KCTD3: variants seen among roughly 807,000 people sequenced by gnomAD.
The protein encoded by KCTD3 is potassium channel tetramerization domain containing 3.
A neutral mutation model predicts 85.8 loss-of-function variants in KCTD3; 41 were observed. That is an observed-to-expected ratio of 0.48 (90% confidence interval 0.37 to 0.62). KCTD3 has a LOEUF of 0.62. Among genes scored for constraint, KCTD3 ranks in the 20% least tolerant of loss-of-function variants. KCTD3 has a pLI of 0.00. For missense variants in KCTD3, 724 were observed against 989.9 expected, an observed-to-expected ratio of 0.73 and a Z score of 3.60; for synonymous variants, 338 against 345.4, an observed-to-expected ratio of 0.98 and a Z score of 0.24.
intron 14 of KCTD3, 145 bp from the exon 15 acceptor site, chr1:215,611,680 G>A: frequency 3.7e-6 from 2 of 537,972 alleles, no homozygotes; most frequent in South Asian, 6.7e-5. Flanking sequence ...TACATTTATT[G>A]CATGTCTGAT....
chr1:215,590,433 C>T (rs1660165406), intron 9 of KCTD3, among the ~76,000 whole-genome samples: 1 of 152,088 alleles, frequency 6.6e-6, no homozygotes, highest in South Asian at 2.1e-4. Flanking sequence ...TGTCTCCCTT[C>T]CTCTTTTCTC....
At chr1:215,613,533 G>C (rs1655309924) in intron 15 of KCTD3, among the ~76,000 whole-genome samples, 1 of 152,160 alleles carries the variant, frequency 6.6e-6, no homozygotes, top group South Asian at 2.1e-4. Flanking sequence ...TTTTGTTTTT[G>C]TTGCAGTTGC....
intron 9 of KCTD3, among the ~76,000 whole-genome samples, chr1:215,588,857 A>G (rs190879083): frequency 3.9e-5 from 6 of 152,316 alleles, no homozygotes; most frequent in South Asian, 2.1e-4. Context: ...CTCTCTGCCA[A>G]ATCTTTAGAT....
chr1:215,613,583 G>A (rs1300867655), intron 15 of KCTD3, among the ~76,000 whole-genome samples: 1 of 152,144 alleles, frequency 6.6e-6, no homozygotes, highest in Non-Finnish European at 1.5e-5. Context: ...CAGGGCTGAT[G>A]TCCAGGTTGA....
chr1:215,605,638 A>C (rs1217872956), intron 13 of KCTD3, among the ~76,000 whole-genome samples: 1 of 152,130 alleles, frequency 6.6e-6, no homozygotes, highest in East Asian at 1.9e-4. Flanking sequence ...AGGCATCTCA[A>C]ATTTAAGTTG....
At chr1:215,577,753 GT>G in intron 5 of KCTD3, 25 bp downstream of exon 5, 2 of 1,535,606 alleles carry the variant, frequency 1.3e-6, no homozygotes, top group Non-Finnish European at 1.8e-6. Flanking sequence ...AATATTTGGT[GT>G]TTATGATTTG....
chr1:215,600,577 C>T (rs1339876771), intron 10 of KCTD3, among the ~76,000 whole-genome samples: 1 of 152,162 alleles, frequency 6.6e-6, no homozygotes, highest in African/African-American at 2.4e-5. Context: ...AAGTTACCAG[C>T]TCCTAGAGAG....
In KCTD3 at chr1:215,604,271, A is replaced by G; in HGVS notation, c.1278A>G (p.Lys426=). 6.2e-7 allele frequency: 1 copy of G among 1,613,974 alleles called. No homozygotes were observed. The highest frequency in any genetic ancestry group is 8.5e-7 in the Non-Finnish European group (1 of 1,179,868). Residue 426 remains lysine (K), a synonymous_variant, in exon 13 of 18, where the codon AAA becomes AAG. Coordinates refer to ENST00000259154, the MANE Select transcript of KCTD3 (RefSeq NM_016121.5). ...CAGTTCACCGAAGTCCCGTAACAAAAATCATGCTATCAGAGAAGCATCTTG... is the reference window on the plus strand; with the variant it reads ...CAGTTCACCGAAGTCCCGTAACAAAGATCATGCTATCAGAGAAGCATCTTG... The part of the protein sequence containing the change: ...TFTVHRSPVT[K]IMLSEKHLVS...
At chr1:215,607,678 A>T (rs1182862322) in intron 13 of KCTD3, among the ~76,000 whole-genome samples, 1 of 152,034 alleles carries the variant, frequency 6.6e-6, no homozygotes, top group Non-Finnish European at 1.5e-5. Context: ...AAAATAAACT[A>T]GGAAACTGTT....
In KCTD3 at chr1:215,620,586, A is replaced by T. The variant is rs202013188; in HGVS notation, c.2416A>T (p.Ser806Cys). 5.0e-6 allele frequency: 8 copies of T among 1,607,416 alleles called. No individual in the cohort carries two copies. The highest frequency in any genetic ancestry group is 2.7e-5 in the African/African-American group (2 of 74,794). The change falls in exon 18 of 18, where the codon AGT becomes TGT. Residue 806 changes from serine to cysteine, a missense_variant. By Grantham distance (112) the Ser-to-Cys change is moderately radical. Transcript: ENST00000259154. ...KTTPSPRHKK[S>C]DSSGQEYSL Reference sequence around the variant, plus strand: ...TACTCCATCTCCTCGGCATAAAAAAAGTGATTCTTCAGGTCAGGAGTACAG... The same window carrying T: ...TACTCCATCTCCTCGGCATAAAAAATGTGATTCTTCAGGTCAGGAGTACAG...
chr1:215,571,255 C>A (rs1283975733), intron 1 of KCTD3, among the ~76,000 whole-genome samples: 1 of 152,172 alleles, frequency 6.6e-6, no homozygotes, highest in Non-Finnish European at 1.5e-5. Context: ...CTTCAATTTA[C>A]CATTGAGTGG....
intron 6 of KCTD3, 70 bp from the exon 7 acceptor site, chr1:215,578,930 C>T: frequency 9.3e-7 from 1 of 1,070,502 alleles, no homozygotes; most frequent in South Asian, 1.8e-5. Flanking sequence ...GTTTCTTTGT[C>T]ACAATGTGAT....
At chr1:215,610,500 A>T (rs886592288) in intron 14 of KCTD3, among the ~76,000 whole-genome samples, 1 of 151,942 alleles carries the variant, frequency 6.6e-6, no homozygotes, top group African/African-American at 2.4e-5. Flanking sequence ...TCATGTCAAC[A>T]TGAAGTTCAA....
chr1:215,618,863 C>G, intron 15 of KCTD3, 23 bp from the exon 16 acceptor site: 2 of 1,545,510 alleles, frequency 1.3e-6, no homozygotes, highest in Non-Finnish European at 1.7e-6. Flanking sequence ...CCCATCAGGG[C>G]TCTTTCTGCT....
At chr1:215,572,099 G>C (rs1659392165) in intron 1 of KCTD3, among the ~76,000 whole-genome samples, 2 of 152,328 alleles carry the variant, frequency 1.3e-5, no homozygotes, top group South Asian at 4.1e-4. Context: ...TGACATCTGT[G>C]TGTCAACACC....
Position 215,620,497 on chromosome 1 carries a change from C to T in KCTD3, c.2327C>T (p.Ser776Leu). 1 of 1,613,600 alleles carries T rather than the reference C, an allele frequency of 6.2e-7. No individual in the cohort carries two copies. Among genetic ancestry groups the T allele is most frequent in the Non-Finnish European group, 8.5e-7 (1 of 1,179,550 alleles). Residue 776 changes from serine (S) to leucine (L), a missense_variant, in exon 18 of 18, where the codon TCA (serine) becomes TTA (leucine). By Grantham distance (145) the Ser-to-Leu change is moderately radical. Coordinates refer to ENST00000259154, the MANE Select transcript of KCTD3 (RefSeq NM_016121.5). Reference protein sequence around the residue: ...GRKKVPYLASSPSTSDGGTDS... With the variant: ...GRKKVPYLASLPSTSDGGTDS... ...AAGAAAGTTCCCTATCTGGCGTCAT[C>T]ACCAAGTACTTCCGATGGAGGAACT...
intron 10 of KCTD3, among the ~76,000 whole-genome samples, chr1:215,600,859 T>C (rs1280824281): frequency 6.6e-6 from 1 of 152,242 alleles, no homozygotes; most frequent in Non-Finnish European, 1.5e-5. Flanking sequence ...CTGGCCTGGC[T>C]GTAAACAGGG....
intron 15 of KCTD3, among the ~76,000 whole-genome samples, chr1:215,616,907 C>T (rs1420884793): frequency 1.3e-5 from 2 of 152,196 alleles, no homozygotes; most frequent in African/African-American, 4.8e-5. Context: ...TGACTGATGG[C>T]AGGTCACCAG....
intron 8 of KCTD3, among the ~76,000 whole-genome samples, chr1:215,585,813 A>G (rs1659986540): frequency 6.6e-6 from 1 of 152,208 alleles, no homozygotes; most frequent in Non-Finnish European, 1.5e-5. Flanking sequence ...TAAAGAATAC[A>G]TTAGCTTTTA....
Sources: gnomAD v4.1 joint callset for allele counts (sites outside exome capture counted in the v4.1 genomes callset) on GRCh38, gnomAD v4.1.1 for gene constraint, MANE v1.5 for transcripts, NCBI Gene and HGNC (gene_info 2026-07-23, HGNC 2026-07-21) for gene names.